The following GRM7 variants were observed in gnomAD, a reference collection of about 807,000 sequenced individuals.
GRM7 encodes the protein glutamate metabotropic receptor 7, also known as metabotropic glutamate receptor 7.
In GRM7, 35 loss-of-function variants were observed where a neutral mutation model predicts 84.5. The observed-to-expected ratio is 0.41, with a 90% confidence interval of 0.32 to 0.55. The LOEUF (loss-of-function observed/expected upper bound fraction) is 0.55. Ranked by LOEUF, GRM7 falls within the 20% of genes least tolerant of loss-of-function variation. The probability of loss-of-function intolerance (pLI) is 0.19; values close to 1 mark genes in which losing one functional copy is unlikely to be tolerated. For synonymous variants in GRM7, 487 were observed against 455.1 expected (o/e 1.07, Z -0.89); for missense variants, 1,003 against 1,194.6 (o/e 0.84, Z 2.36).
intron 1 of GRM7, among the ~76,000 whole-genome samples, chr3:7,071,693 C>T (rs1697888308): frequency 6.6e-6 from 1 of 152,042 alleles, no homozygotes; most frequent in Non-Finnish European, 1.5e-5. Context: ...GTATGTAAAA[C>T]ATTTATTGAT....
rs2125099310 is a variant in GRM7 at position 7,634,608 on chromosome 3, C to A, written c.2452-45441C>A. On this transcript the variant is annotated intron_variant, in intron 8 of 9. Transcript: ENST00000357716. ...AGGAGATCTAGACCATCCTAGCTAACAGAGTGAAACACCATCTGTACTAAA... is the reference window on the plus strand; with the variant it reads ...AGGAGATCTAGACCATCCTAGCTAAAAGAGTGAAACACCATCTGTACTAAA... 1.3e-5 allele frequency among the ~76,000 whole-genome samples: 2 copies of A among 150,636 alleles called. 1 individual carries two copies. The highest frequency in any genetic ancestry group is 4.2e-4 in the South Asian group (2 of 4,756).
At chr3:7,011,157 AT>A (rs1695355918) in intron 1 of GRM7, among the ~76,000 whole-genome samples, 1 of 152,238 alleles carries the variant, frequency 6.6e-6, no homozygotes, top group African/African-American at 2.4e-5. Flanking sequence ...GACAAAAATC[AT>A]AAATAATTTG....
chr3:7,323,910 A>T (rs563487767), intron 4 of GRM7, among the ~76,000 whole-genome samples: 1 of 152,300 alleles, frequency 6.6e-6, no homozygotes, highest in South Asian at 2.1e-4. Flanking sequence ...ACTATAATCT[A>T]TCAAAATTAA....
chr3:6,957,009 A>T (rs1328465577), intron 1 of GRM7, among the ~76,000 whole-genome samples: 1 of 152,234 alleles, frequency 6.6e-6, no homozygotes, highest in East Asian at 1.9e-4. Context: ...CTAGATGACT[A>T]TTTAACCTTC....
rs1695595502 is a variant in GRM7, at chr3:7,188,558, C to T, written c.736+41890C>T. Among the ~76,000 whole-genome samples, 1 of 152,098 alleles carries T rather than the reference C, an allele frequency of 6.6e-6. No individual in the cohort carries two copies. Among genetic ancestry groups the T allele is most frequent in the African/African-American group, 2.4e-5 (1 of 41,426 alleles). ...TCTAGAAATTTACAAAAAATGTTGC[C>T]TGATCCCTGCAGGTGAAAGATGTAA... On this transcript the variant is annotated intron_variant, in intron 2 of 9. Transcript: ENST00000357716. The surrounding 1 kb of genome is among the most constrained non-coding windows in gnomAD (Gnocchi z 4.2).
At chr3:7,693,684 T>C (rs762691187) in intron 9 of GRM7, 44 of 1,523,064 alleles carry the variant, frequency 2.9e-5, no homozygotes, top group Non-Finnish European at 3.9e-5. Context: ...AGTCAAGCGA[T>C]TGTCTGAGGC....
intron 9 of GRM7, among the ~76,000 whole-genome samples, chr3:7,690,006 G>C (rs1700737729): frequency 6.6e-6 from 1 of 152,128 alleles, no homozygotes; most frequent in South Asian, 2.1e-4. Flanking sequence ...CCATCACCCG[G>C]GATGTTTTGC....
intron 2 of GRM7, among the ~76,000 whole-genome samples, chr3:7,191,559 C>A (rs141616432): frequency 6.6e-6 from 1 of 151,626 alleles, no homozygotes. Context: ...ATACTGCTGG[C>A]AATAAACAGG....
At chr3:6,977,246 AC>A (rs762203368) in intron 1 of GRM7, among the ~76,000 whole-genome samples, 1 of 152,098 alleles carries the variant, frequency 6.6e-6, no homozygotes, top group Non-Finnish European at 1.5e-5. Context: ...TGTTATCTTC[AC>A]CAAAAACGAG....
chr3:7,057,644 C>G (rs748505097), intron 1 of GRM7, among the ~76,000 whole-genome samples: 1 of 151,894 alleles, frequency 6.6e-6, no homozygotes, highest in South Asian at 2.1e-4. Context: ...AGTATATCTA[C>G]TTTAGAATAT....
intron 8 of GRM7, among the ~76,000 whole-genome samples, chr3:7,584,659 G>A (rs1695426388): frequency 6.6e-6 from 1 of 152,182 alleles, no homozygotes; most frequent in African/African-American, 2.4e-5. Flanking sequence ...AAAACTAGTT[G>A]AGTATTACAA....
intron 1 of GRM7, among the ~76,000 whole-genome samples, chr3:7,113,041 G>A (rs764816213): frequency 8.5e-5 from 13 of 152,094 alleles, no homozygotes; most frequent in Non-Finnish European, 1.8e-4. Context: ...ATGAAACATA[G>A]ACTGATGATT....
intron 2 of GRM7, among the ~76,000 whole-genome samples, chr3:7,185,714 CT>C (rs1243398302): frequency 1.3e-5 from 2 of 152,154 alleles, no homozygotes; most frequent in Non-Finnish European, 2.9e-5. Context: ...ATCCTGTGCA[CT>C]AACTCAGAAA....
chr3:7,351,338 C>CG (rs200939635), intron 4 of GRM7, among the ~76,000 whole-genome samples: 152 of 41,394 alleles, frequency 3.7e-3, no homozygotes, highest in Middle Eastern at 0.016. Context: ...TTCCCACAGG[C>CG]GAAAAAAAAA....
rs1378682277 is a variant in GRM7 at position 6,928,413 on chromosome 3, A to G, written c.519+66506A>G. On this transcript the variant is annotated intron_variant, in intron 1 of 9. Transcript: ENST00000357716. The surrounding 1 kb of genome is among the most constrained non-coding windows in gnomAD (Gnocchi z 4.5). ...ATTTGCATTGATATTCGATATAGGC[A>G]TCATGGCATATGAGGAAGCAAAATC... Among the ~76,000 whole-genome samples the G allele has an allele frequency of 6.6e-6, 1 of 152,202 alleles. No individual in the cohort carries two copies. The highest frequency in any genetic ancestry group is 1.5e-5 in the Non-Finnish European group (1 of 68,034).
intron 2 of GRM7, among the ~76,000 whole-genome samples, chr3:7,266,817 A>G (rs925334941): frequency 6.6e-6 from 1 of 152,212 alleles, no homozygotes; most frequent in African/African-American, 2.4e-5. Context: ...TGGATAATTC[A>G]TATTTTTCAA....
At chr3:7,241,714 G>C (rs1697564961) in intron 2 of GRM7, among the ~76,000 whole-genome samples, 1 of 152,084 alleles carries the variant, frequency 6.6e-6, no homozygotes, top group South Asian at 2.1e-4. Context: ...CATGAAAAAT[G>C]GGAGAATTAG....
intron 1 of GRM7, among the ~76,000 whole-genome samples, chr3:7,001,035 T>C (rs576332787): frequency 1.3e-5 from 2 of 152,346 alleles, no homozygotes; most frequent in Admixed American, 1.3e-4. Context: ...AGCCTTTTGC[T>C]GAAAATCATA....
chr3:7,452,900 A>G lies in GRM7; in HGVS notation c.1375+93A>G, dbSNP rs1310946553. 5.2e-6 allele frequency: 4 copies of G among 767,670 alleles called. No individual in the cohort carries two copies. The East Asian group carries it at 8.0e-5, about 15-fold the overall frequency. The allele number at this position is 767,670 out of a possible 1,614,324, so 47.6% of individuals were successfully genotyped here. A position where few individuals can be genotyped will look rare whatever the true frequency, so the allele number is the denominator to read the frequency against. On this transcript the variant is annotated intron_variant, in intron 6 of 9. Coordinates refer to ENST00000357716, the MANE Select transcript of GRM7 (RefSeq NM_000844.4). The stretch of plus-strand genomic sequence containing the variant: ...TGTCTATTATTATTTACTTTAAAAT[A>G]TGTGTCAAAACTTGCTTGATTATAA...
Sources: allele counts gnomAD v4.1 joint callset (sites outside exome capture counted in the v4.1 genomes callset), GRCh38; gene constraint gnomAD v4.1.1; non-coding constraint Gnocchi (gnomAD v3.1); transcripts MANE v1.5; gene names NCBI Gene and HGNC (gene_info 2026-07-23, HGNC 2026-07-21).